NKAIN3: variants seen among roughly 807,000 people sequenced by gnomAD.
NKAIN3 encodes sodium/potassium-transporting ATPase subunit beta-1-interacting protein 3.
A neutral mutation model predicts 30.2 loss-of-function variants in NKAIN3; 25 were observed. The observed-to-expected ratio is 0.83, with a 90% CI of 0.60 to 1.16. The LOEUF (loss-of-function observed/expected upper bound fraction) is 1.16, where lower values mean the gene tolerates loss of function less well. Ranked by LOEUF, NKAIN3 falls within the 50% of genes most tolerant of loss-of-function variation. NKAIN3 has a pLI of 0.00. For synonymous variants in NKAIN3, 91 were observed against 89.6 expected (o/e 1.02, Z -0.09); for missense variants, 225 against 254.1 (o/e 0.89, Z 0.78).
intron 1 of NKAIN3, among the ~76,000 whole-genome samples, chr8:62,286,308 A>G (rs1328857380): frequency 2.0e-5 from 3 of 152,190 alleles, no homozygotes; most frequent in Non-Finnish European, 4.4e-5. Context: ...TTATCTTAGC[A>G]GGCTATACAT....
At chr8:62,908,564 T>C (rs559655295) in intron 4 of NKAIN3, among the ~76,000 whole-genome samples, 193 of 152,274 alleles carry the variant, frequency 1.3e-3, no homozygotes, top group African/African-American at 4.5e-3. Flanking sequence ...GAATCTTGGC[T>C]GTGGGTTTTT....
At chr8:62,445,790 A>G (rs896558485) in intron 1 of NKAIN3, among the ~76,000 whole-genome samples, 4 of 152,126 alleles carry the variant, frequency 2.6e-5, no homozygotes, top group African/African-American at 9.7e-5. Context: ...GGAGCAGCAA[A>G]ATCCATTCAT....
intron 1 of NKAIN3, among the ~76,000 whole-genome samples, chr8:62,416,732 C>G (rs1311674498): frequency 2.0e-5 from 3 of 152,066 alleles, no homozygotes; most frequent in Non-Finnish European, 4.4e-5. Flanking sequence ...TGGTAGCTCA[C>G]GCCTGTAATC....
At chr8:62,472,740 A>T (rs189305512) in intron 1 of NKAIN3, among the ~76,000 whole-genome samples, 2 of 152,302 alleles carry the variant, frequency 1.3e-5, no homozygotes, top group East Asian at 3.9e-4. Flanking sequence ...AACATATTAG[A>T]TTATGCATGC....
intron 3 of NKAIN3, among the ~76,000 whole-genome samples, chr8:62,607,413 G>T (rs1387215615): frequency 6.6e-6 from 1 of 152,048 alleles, no homozygotes; most frequent in African/African-American, 2.4e-5. Context: ...CCTTCTCTTG[G>T]GACCATTCAG....
intron 3 of NKAIN3, among the ~76,000 whole-genome samples, chr8:62,723,609 A>C (rs1586130511): frequency 6.6e-6 from 1 of 152,172 alleles, no homozygotes; most frequent in East Asian, 1.9e-4. Context: ...ATTTTTAAAA[A>C]AATTACCTGT....
At chr8:62,495,838 A>C (rs1174221591) in intron 1 of NKAIN3, among the ~76,000 whole-genome samples, 3 of 152,084 alleles carry the variant, frequency 2.0e-5, no homozygotes, top group Non-Finnish European at 4.4e-5. Flanking sequence ...CCAAAGTCAG[A>C]TAGCTAACAA....
At chr8:62,689,340 G>A (rs137910415) in intron 3 of NKAIN3, among the ~76,000 whole-genome samples, 1 of 152,036 alleles carries the variant, frequency 6.6e-6, no homozygotes, top group Non-Finnish European at 1.5e-5. Context: ...CAGAGACCAG[G>A]TCTCTCCCTC....
At chr8:62,989,681 T>A (rs1156264891), downstream of NKAIN3, among the ~76,000 whole-genome samples, 5 of 152,158 alleles carry the variant, frequency 3.3e-5, no homozygotes, top group Non-Finnish European at 5.9e-5. Flanking sequence ...AGAGGGAGAC[T>A]CTGTCTCGAA....
chr8:62,296,383 A>G (rs1260313481), intron 1 of NKAIN3, among the ~76,000 whole-genome samples: 2 of 152,100 alleles, frequency 1.3e-5, no homozygotes, highest in Non-Finnish European at 2.9e-5. Flanking sequence ...TTTCATCATG[A>G]CCTACCACTA....
rs776939929 is a variant in NKAIN3, at chr8:62,975,492, G to A, written c.*10085G>A. On this transcript the variant is annotated 3_prime_UTR_variant, in exon 7 of 7. Coordinates refer to ENST00000623646, the MANE Select transcript of NKAIN3 (RefSeq NM_001304533.3). Reference sequence around the variant, plus strand: ...TTCTCTGACGGTAGTTTGCATTTCTGTGGGATTAGTGGTGATCTCCACTTT... The same window carrying A: ...TTCTCTGACGGTAGTTTGCATTTCTATGGGATTAGTGGTGATCTCCACTTT... Among the ~76,000 whole-genome samples, 1 of 152,090 alleles carries A rather than the reference G, an allele frequency of 6.6e-6. No individual in the cohort carries two copies. Among genetic ancestry groups the A allele is most frequent in the Non-Finnish European group, 1.5e-5 (1 of 68,016 alleles).
At chr8:62,659,816 T>C (rs930717222) in intron 3 of NKAIN3, among the ~76,000 whole-genome samples, 1 of 152,098 alleles carries the variant, frequency 6.6e-6, no homozygotes, top group African/African-American at 2.4e-5. Context: ...TCCATGCTGT[T>C]CTCCTGATAG....
chr8:62,652,658 G>T (rs968339816), intron 3 of NKAIN3, among the ~76,000 whole-genome samples: 9 of 152,134 alleles, frequency 5.9e-5, no homozygotes, highest in African/African-American at 2.2e-4. Flanking sequence ...CTGGTTGCTG[G>T]TCTGGATCAC....
intron 4 of NKAIN3, among the ~76,000 whole-genome samples, chr8:62,823,706 C>T (rs1327533777): frequency 6.6e-6 from 1 of 152,086 alleles, no homozygotes; most frequent in African/African-American, 2.4e-5. Flanking sequence ...TTTATAATCG[C>T]TGGAGATTTG....
chr8:62,915,374 G>C (rs988352699), intron 4 of NKAIN3, among the ~76,000 whole-genome samples: 3 of 152,144 alleles, frequency 2.0e-5, no homozygotes, highest in African/African-American at 7.2e-5. Flanking sequence ...GGGGAGGAAG[G>C]ACCAGGGAGA....
intron 3 of NKAIN3, among the ~76,000 whole-genome samples, chr8:62,723,753 A>G (rs191417923): frequency 3.3e-5 from 5 of 152,242 alleles, no homozygotes; most frequent in Non-Finnish European, 4.4e-5. Context: ...AGCTTTTGCT[A>G]GGCTGTTTTC....
intron 4 of NKAIN3, among the ~76,000 whole-genome samples, chr8:62,767,248 T>C (rs1816869109): frequency 6.6e-6 from 1 of 152,186 alleles, no homozygotes; most frequent in Non-Finnish European, 1.5e-5. Flanking sequence ...GCTTTGGATC[T>C]AATAGTTGGC....
At chr8:62,333,580 T>G (rs924559006) in intron 1 of NKAIN3, among the ~76,000 whole-genome samples, 3 of 152,100 alleles carry the variant, frequency 2.0e-5, no homozygotes, top group African/African-American at 2.4e-5. Flanking sequence ...ATAATCACTT[T>G]AGAGGGAGAC....
At chr8:62,251,035 G>C (rs935136952) in intron 1 of NKAIN3, among the ~76,000 whole-genome samples, 11 of 152,130 alleles carry the variant, frequency 7.2e-5, no homozygotes, top group Non-Finnish European at 1.3e-4. Context: ...CAAGTTCTTA[G>C]AGCTCATATT....
Sources: gnomAD v4.1 joint callset for allele counts (sites outside exome capture counted in the v4.1 genomes callset) on GRCh38, gnomAD v4.1.1 for gene constraint, MANE v1.5 for transcripts, NCBI Gene and HGNC (gene_info 2026-07-23, HGNC 2026-07-21) for gene names.